The following TMEM245 variants were observed in gnomAD, a reference collection of about 807,000 sequenced individuals.
TMEM245 encodes transmembrane protein 245.
In TMEM245, 69 loss-of-function variants were observed where a neutral mutation model predicts 101.2. That is an observed-to-expected ratio of 0.68 (90% CI 0.56 to 0.83). The LOEUF is 0.83. TMEM245 is among the 40% of genes least tolerant of loss of function. The pLI, the probability that TMEM245 is intolerant of heterozygous loss-of-function variation, is 0.00. For missense variants in TMEM245, 1,075 were observed against 1,092.8 expected (o/e 0.98, Z 0.23); for synonymous variants, 537 against 449.8 (o/e 1.19, Z -2.45).
At chr9:109,039,748 G>A (rs927130928) in intron 14 of TMEM245, among the ~76,000 whole-genome samples, 67 of 152,036 alleles carry the variant, frequency 4.4e-4, no homozygotes, top group African/African-American at 1.4e-3. Context: ...AATCATTTCC[G>A]TAGTAGGAGG....
chr9:109,087,428 T>C (rs766540793), intron 5 of TMEM245, 86 bp from the exon 6 acceptor site: 43 of 1,290,934 alleles, frequency 3.3e-5, no homozygotes, highest in South Asian at 4.8e-5. Context: ...TCACAAAACC[T>C]TTCTAAAACA....
At chr9:109,060,324 C>T in intron 11 of TMEM245, 30 bp downstream of exon 11, 1 of 1,521,424 alleles carries the variant, frequency 6.6e-7, no homozygotes, top group Non-Finnish European at 9.0e-7. Context: ...TATTAGTTTA[C>T]AACAGGAAAC....
At chr9:109,086,799 C>A (rs1829852871) in intron 6 of TMEM245, among the ~76,000 whole-genome samples, 1 of 152,182 alleles carries the variant, frequency 6.6e-6, no homozygotes, top group African/African-American at 2.4e-5. Flanking sequence ...TTCCGTAGGA[C>A]TTAATACAGT....
At position 109,038,359 on chromosome 9, in the gene TMEM245, A is replaced by T. The variant is rs79705447; in HGVS notation, c.2124-242T>A. 285 of 300,452 alleles carry T rather than the reference A, an allele frequency of 9.5e-4. 4 individuals carry two copies. In the East Asian group the frequency reaches 0.015, roughly 16 times the overall value. The allele number at this position is 300,452 out of a possible 1,614,324, so 18.6% of individuals were successfully genotyped here. A position where few individuals can be genotyped will look rare whatever the true frequency, so the allele number is the denominator to read the frequency against. On this transcript the variant is annotated intron_variant, in intron 14 of 17. Transcript: ENST00000374586. ...TGGAAATATGTTTACTATTCCTTAAATTTCTGATGAAAAAATAACTGAAAC... is the reference window on the plus strand; with the variant it reads ...TGGAAATATGTTTACTATTCCTTAATTTTCTGATGAAAAAATAACTGAAAC...
chr9:109,109,885 T>C (rs1830522978), intron 1 of TMEM245, among the ~76,000 whole-genome samples: 1 of 152,186 alleles, frequency 6.6e-6, no homozygotes, highest in Non-Finnish European at 1.5e-5. Context: ...TGTGCTGTGA[T>C]TACATCTACT....
intron 1 of TMEM245, among the ~76,000 whole-genome samples, chr9:109,112,715 A>G (rs1175835305): frequency 6.6e-6 from 1 of 152,218 alleles, no homozygotes; most frequent in Admixed American, 6.5e-5. Flanking sequence ...GGACAAAGAA[A>G]TGAATTTAGG....
At position 109,033,330 on chromosome 9, in the gene TMEM245, G is replaced by C; in HGVS notation, c.2571C>G (p.Thr857=). The change falls in exon 17 of 18, where the codon ACC becomes ACG. Residue 857 remains threonine (T), a synonymous_variant. Transcript: ENST00000374586. The part of the protein sequence containing the change: ...PTNSVPTPNQ[T]PWPAQPQRTF... ...ACCGCTGAGGCTGAGCAGGCCATGGGGTCTGGTTTGGCGTGGGAACTGAAT... is the reference window on the plus strand; with the variant it reads ...ACCGCTGAGGCTGAGCAGGCCATGGCGTCTGGTTTGGCGTGGGAACTGAAT... 1 of 1,612,118 alleles carries C rather than the reference G, an allele frequency of 6.2e-7. No individual in the cohort carries two copies. The highest frequency in any genetic ancestry group is 1.1e-5 in the South Asian group (1 of 90,696).
At chr9:109,085,974 C>T (rs374947533) in intron 7 of TMEM245, 23 bp downstream of exon 7, 343 of 1,613,336 alleles carry the variant, frequency 2.1e-4, no homozygotes, top group Non-Finnish European at 2.8e-4. Context: ...ATAGTAAAAA[C>T]CAACATCTGG....
chr9:109,020,897 G>A (rs1194761149), intron 17 of TMEM245, among the ~76,000 whole-genome samples: 1 of 152,320 alleles, frequency 6.6e-6, no homozygotes, highest in East Asian at 1.9e-4. Flanking sequence ...AAACCACTAA[G>A]AGACCAAAGA....
At chr9:109,115,522 CTTTT>C (rs752894720) in intron 1 of TMEM245, among the ~76,000 whole-genome samples, 4 of 67,194 alleles carry the variant, frequency 6.0e-5, no homozygotes, top group South Asian at 6.5e-4. Context: ...TAACTGGAAT[CTTTT>C]TTTTTTTTTT....
intron 17 of TMEM245, among the ~76,000 whole-genome samples, chr9:109,030,545 C>A (rs532791444): frequency 1.3e-5 from 2 of 151,920 alleles, no homozygotes; most frequent in African/African-American, 4.8e-5. Flanking sequence ...TATCTTTTTT[C>A]TTTGTGTTTG....
Position 109,093,467 on chromosome 9 carries a change from T to G in TMEM245, c.916+8A>C, listed in dbSNP as rs774520418. 7 of 1,605,446 alleles carry G rather than the reference T, an allele frequency of 4.4e-6. No individual in the cohort carries two copies. In the African/African-American group the frequency reaches 8.0e-5, roughly 18 times the overall value. ...AATAACCTTGAATGTCACCAGAACA[T>G]CAGTCACCTGCAGGCTGAGTGGAGG... is the stretch of plus-strand genomic sequence containing the variant. On this transcript the variant is annotated splice_region_variant and intron_variant, in intron 4 of 17. Transcript: ENST00000374586.
At chr9:109,038,757 G>A (rs1302221561) in intron 14 of TMEM245, 2 of 152,188 alleles carry the variant, frequency 1.3e-5, no homozygotes, top group East Asian at 1.9e-4. Flanking sequence ...GAAAATACAA[G>A]AGAGATAAAA....
chr9:109,020,461 C>T lies in TMEM245; in HGVS notation c.2639G>A (p.Ter880=). The change falls in exon 18 of 18, where the codon TGA becomes TAA. Residue 880 remains the stop codon, a stop_retained_variant. Coordinates refer to ENST00000374586, the MANE Select transcript of TMEM245 (RefSeq NM_032012.4). ...AAAATCACTGCAGAGGAAACCACAT[C>T]AACCTACTGAAGATTTCAGATCTTC... is the stretch of plus-strand genomic sequence containing the variant. The part of the protein sequence containing the change: ...ISEDLKSSVG[*] The T allele has an allele frequency of 6.2e-7, 1 of 1,614,086 alleles. No individual in the cohort carries two copies. The highest frequency in any genetic ancestry group is 8.5e-7 in the Non-Finnish European group (1 of 1,179,976).
intron 17 of TMEM245, among the ~76,000 whole-genome samples, chr9:109,022,214 A>T (rs985308755): frequency 1.3e-5 from 2 of 152,182 alleles, no homozygotes; most frequent in African/African-American, 2.4e-5. Context: ...TCTTTCAAGG[A>T]TGGTGCCCTA....
chr9:109,052,464 T>C (rs1412763631), intron 12 of TMEM245, among the ~76,000 whole-genome samples: 1 of 152,240 alleles, frequency 6.6e-6, no homozygotes, highest in Non-Finnish European at 1.5e-5. Context: ...TTCTGGTTTT[T>C]GTCATATGTC....
At chr9:109,076,678 A>C (rs1322394400) in intron 8 of TMEM245, among the ~76,000 whole-genome samples, 1 of 152,162 alleles carries the variant, frequency 6.6e-6, no homozygotes, top group Non-Finnish European at 1.5e-5. Context: ...TTTTAATTTA[A>C]TTCTGTGTCA....
intron 13 of TMEM245, 65 bp downstream of exon 13, chr9:109,050,505 A>G: frequency 1.9e-6 from 3 of 1,612,574 alleles, no homozygotes; most frequent in Non-Finnish European, 1.7e-6. Context: ...GCAATTGCAA[A>G]TGAAACCAGA....
intron 17 of TMEM245, among the ~76,000 whole-genome samples, chr9:109,032,835 G>A (rs1486145227): frequency 1.1e-5 from 1 of 86,998 alleles, no homozygotes; most frequent in African/African-American, 4.5e-5. Flanking sequence ...TTTATATGCT[G>A]TTGCCCAGGC....
Sources: allele counts gnomAD v4.1 joint callset (sites outside exome capture counted in the v4.1 genomes callset), GRCh38; gene constraint gnomAD v4.1.1; transcripts MANE v1.5; gene names NCBI Gene and HGNC (gene_info 2026-07-23, HGNC 2026-07-21).